Variants in NR5A2 observed in about 807,000 individuals in gnomAD.
The protein encoded by NR5A2 is nuclear receptor subfamily 5 group A member 2.
A neutral mutation model predicts 62.7 loss-of-function variants in NR5A2; 26 were observed. The ratio of observed to expected loss-of-function variants is 0.41; its 90% CI spans 0.30 to 0.58. NR5A2 has a LOEUF of 0.58. Ranked by LOEUF, NR5A2 falls within the 20% of genes least tolerant of loss-of-function variation. The probability of loss-of-function intolerance (pLI) is 0.22; values close to 1 mark genes in which losing one functional copy is unlikely to be tolerated. For synonymous variants in NR5A2, 246 were observed against 241.7 expected (o/e 1.02, Z -0.16); for missense variants, 541 against 669.1 (o/e 0.81, Z 2.11).
intron 5 of NR5A2, among the ~76,000 whole-genome samples, chr1:200,063,632 G>A (rs1663331720): frequency 6.6e-6 from 1 of 152,090 alleles, no homozygotes; most frequent in Non-Finnish European, 1.5e-5. Context: ...GAGATTTTTA[G>A]CTTTTGAAAG....
At chr1:200,080,377 T>C (rs1172388730) in intron 5 of NR5A2, among the ~76,000 whole-genome samples, 3 of 152,218 alleles carry the variant, frequency 2.0e-5, no homozygotes, top group Non-Finnish European at 4.4e-5. Context: ...ATTTGGATTC[T>C]AATATGCTTT....
intron 1 of NR5A2, chr1:200,038,865 G>A (rs1029448037): frequency 3.8e-6 from 3 of 789,552 alleles, no homozygotes; most frequent in Admixed American, 3.8e-5. Context: ...CAGGCCGGGG[G>A]ACTGGAGCCT....
rs1174829159 is a variant in NR5A2 at position 200,068,452 on chromosome 1, G to GA, written c.1110+19634_1110+19635insA. Among the ~76,000 whole-genome samples the GA allele has an allele frequency of 2.1e-4, 32 of 152,072 alleles. 1 individual carries two copies. The East Asian group carries it at 4.2e-3, about 20-fold the overall frequency. On this transcript the variant is annotated intron_variant, in intron 5 of 7. Coordinates refer to ENST00000367362, the MANE Select transcript of NR5A2 (RefSeq NM_205860.3). The stretch of plus-strand genomic sequence containing the variant: ...TTACTTAATTTACTTCTAGTCATTT[G>GA]GAAAAAAAAATTGATAATATTTTGT...
chr1:200,142,858 T>C (rs1667507627), intron 7 of NR5A2, among the ~76,000 whole-genome samples: 1 of 152,204 alleles, frequency 6.6e-6, no homozygotes, highest in Admixed American at 6.5e-5. Flanking sequence ...ACTGATATCT[T>C]TCTTTTTAGA....
At chr1:200,043,587 G>A (rs1304784807) in intron 2 of NR5A2, among the ~76,000 whole-genome samples, 187 bp from the exon 3 acceptor site, 1 of 152,216 alleles carries the variant, frequency 6.6e-6, no homozygotes, top group African/African-American at 2.4e-5. Flanking sequence ...TGAGGTCCAT[G>A]CTTATTGATG....
chr1:200,096,270 T>C (rs1419979534), intron 5 of NR5A2, among the ~76,000 whole-genome samples: 1 of 152,058 alleles, frequency 6.6e-6, no homozygotes, highest in East Asian at 1.9e-4. Flanking sequence ...GTATTTTGAA[T>C]AGAGATGGGG....
chr1:200,132,590 C>T (rs1272915424), intron 7 of NR5A2, among the ~76,000 whole-genome samples: 1 of 152,162 alleles, frequency 6.6e-6, no homozygotes, highest in Non-Finnish European at 1.5e-5. Context: ...AATCTCACAG[C>T]AATCAGAGGC....
At position 200,048,780 on chromosome 1, in the gene NR5A2, G is replaced by A. The variant is rs1482110974; in HGVS notation, c.1072G>A (p.Glu358Lys). 3 of 1,614,154 alleles carry A rather than the reference G, an allele frequency of 1.9e-6. No individual in the cohort carries two copies. Among genetic ancestry groups the A allele is most frequent in the Non-Finnish European group, 1.7e-6 (2 of 1,180,038 alleles). Reference protein sequence around the residue: ...MADQTLFSIVEWARSSIFFRE... With the variant: ...MADQTLFSIVKWARSSIFFRE... ...AGATCAAACTCTCTTCTCCATTGTC[G>A]AGTGGGCCAGGAGTAGTATCTTCTT... The change falls in exon 5 of 8, where the codon GAG (glutamate) becomes AAG (lysine). Residue 358 changes from glutamate to lysine, a missense_variant. Transcript: ENST00000367362. The surrounding 1 kb of genome is among the most constrained non-coding windows in gnomAD (Gnocchi z 4.8).
At chr1:200,054,467 C>T (rs1169985599) in intron 5 of NR5A2, among the ~76,000 whole-genome samples, 1 of 151,688 alleles carries the variant, frequency 6.6e-6, no homozygotes, top group Non-Finnish European at 1.5e-5. Flanking sequence ...TCTATTTGAT[C>T]TTCTAATGAG....
rs1360843574 is a variant in NR5A2 at position 200,176,888 on chromosome 1, G to T, written c.*2678G>T. The T allele has an allele frequency of 3.3e-5, 5 of 152,222 alleles. No homozygotes were observed. The highest frequency in any genetic ancestry group is 2.1e-4 in the South Asian group (1 of 4,816). 9.4% of individuals were successfully genotyped at this position (152,222 alleles called of 1,614,324 possible). On this transcript the variant is annotated 3_prime_UTR_variant, in exon 8 of 8. Coordinates refer to ENST00000367362, the MANE Select transcript of NR5A2 (RefSeq NM_205860.3). ...TTAAACCTAAAAAATGTCACATATT[G>T]GTATGTTGTTAACCTGGTAGATTAA...
chr1:200,047,647 G>A (rs1662432095), intron 4 of NR5A2, among the ~76,000 whole-genome samples: 1 of 150,856 alleles, frequency 6.6e-6, no homozygotes, highest in South Asian at 2.1e-4. Flanking sequence ...TGTGATCTTG[G>A]CTCACTGCAA....
intron 7 of NR5A2, among the ~76,000 whole-genome samples, chr1:200,145,898 A>G (rs541351675): frequency 6.6e-6 from 1 of 152,332 alleles, no homozygotes; most frequent in African/African-American, 2.4e-5. Context: ...AAAAATTCAT[A>G]TATTAGGAGA....
chr1:200,094,901 A>G (rs1439044947), intron 5 of NR5A2, among the ~76,000 whole-genome samples: 2 of 152,146 alleles, frequency 1.3e-5, no homozygotes, highest in Admixed American at 6.5e-5. Context: ...GACACCAGGC[A>G]CCAAAATAAC....
rs144648785 is a variant in NR5A2, at chr1:200,169,150, A to G, written c.1379-4813A>G. Among the ~76,000 whole-genome samples the G allele has an allele frequency of 7.1e-3, 1,082 of 152,298 alleles. 3 individuals are homozygous for G. Among genetic ancestry groups the G allele is most frequent in the Non-Finnish European group, 0.012 (841 of 68,018 alleles). ...CTCAAGCCCAGGAGTTCAAGGCTAC[A>G]GTGAGCTACGATGTCACCACTGCTT... On this transcript the variant is annotated intron_variant, in intron 7 of 7. Transcript: ENST00000367362.
chr1:200,082,102 AC>A (rs1664321979), intron 5 of NR5A2, among the ~76,000 whole-genome samples: 1 of 152,042 alleles, frequency 6.6e-6, no homozygotes, highest in Admixed American at 6.6e-5. Flanking sequence ...CTCCACACCA[AC>A]CCCAAATGCC....
Position 200,032,422 on chromosome 1 carries a change from ATTTGGAGTGTAAC to A in NR5A2, c.64+4515_64+4527del, listed in dbSNP as rs148555643. On this transcript the variant is annotated intron_variant, in intron 1 of 7. Coordinates refer to ENST00000367362, the MANE Select transcript of NR5A2 (RefSeq NM_205860.3). The stretch of plus-strand genomic sequence containing the variant: ...GTGTGGTTGATAAGTAAGAAAAGAT[ATTTGGAGTGTAAC>A]TTTTAAACACCAAATAACCTGAATG... Among the ~76,000 whole-genome samples the A allele has an allele frequency of 2.5e-3, 382 of 152,334 alleles. 1 individual carries two copies. Among genetic ancestry groups the A allele is most frequent in the African/African-American group, 9.0e-3 (376 of 41,580 alleles).
Position 200,048,066 on chromosome 1 carries a change from C to T in NR5A2, c.464-106C>T. On this transcript the variant is annotated intron_variant, in intron 4 of 7. Coordinates refer to ENST00000367362, the MANE Select transcript of NR5A2 (RefSeq NM_205860.3). The surrounding 1 kb of genome is among the most constrained non-coding windows in gnomAD (Gnocchi z 4.8). The stretch of plus-strand genomic sequence containing the variant: ...GGCTATTGTAACGAAAACAACCACA[C>T]ACATACCACTTCTTGTCGATTTACA... 2 of 1,085,608 alleles carry T rather than the reference C, an allele frequency of 1.8e-6. No homozygotes were observed. Among genetic ancestry groups the T allele is most frequent in the South Asian group, 3.2e-5 (2 of 62,374 alleles). The allele number at this position is 1,085,608 out of a possible 1,614,324, so 67.2% of individuals were successfully genotyped here.
At chr1:200,087,450 G>A (rs999987704) in intron 5 of NR5A2, among the ~76,000 whole-genome samples, 5 of 151,738 alleles carry the variant, frequency 3.3e-5, no homozygotes, top group South Asian at 4.2e-4. Flanking sequence ...GCTGGAGTAC[G>A]GTGGTGTGAT....
In NR5A2 at chr1:200,151,722, G is replaced by A. The variant is rs1653138108; in HGVS notation, c.1379-22241G>A. On this transcript the variant is annotated intron_variant, in intron 7 of 7. Coordinates refer to ENST00000367362, the MANE Select transcript of NR5A2 (RefSeq NM_205860.3). The stretch of plus-strand genomic sequence containing the variant: ...AAGTGAATATAAAGGTATTTAATGC[G>A]ATTCCTACGTGGTTTTTGTTTCTGG... Among the ~76,000 whole-genome samples, 5 of 152,214 alleles carry A rather than the reference G, an allele frequency of 3.3e-5. No homozygotes were observed. The South Asian group carries it at 1.0e-3, about 32-fold the overall frequency.
Sources: allele counts gnomAD v4.1 joint callset (sites outside exome capture counted in the v4.1 genomes callset), GRCh38; gene constraint gnomAD v4.1.1; non-coding constraint Gnocchi (gnomAD v3.1); transcripts MANE v1.5; gene names NCBI Gene and HGNC (gene_info 2026-07-23, HGNC 2026-07-21).